The following IL20RA variants were observed in gnomAD, a reference collection of about 807,000 sequenced individuals.
The protein encoded by IL20RA is interleukin-20 receptor subunit alpha.
In IL20RA, 29 loss-of-function variants were observed where a neutral mutation model predicts 36.5. The ratio of observed to expected loss-of-function variants is 0.79; its 90% confidence interval spans 0.59 to 1.08. The LOEUF is 1.08. IL20RA is among the 50% of genes least tolerant of loss of function. IL20RA has a pLI of 0.00. For synonymous variants in IL20RA, 279 were observed against 267.1 expected, an observed-to-expected ratio of 1.04 and a Z score of -0.43; for missense variants, 652 against 668.4, an observed-to-expected ratio of 0.98 and a Z score of 0.27.
chr6:137,037,189 T>A (rs1303268050), intron 1 of IL20RA, among the ~76,000 whole-genome samples: 1 of 152,184 alleles, frequency 6.6e-6, no homozygotes, highest in Non-Finnish European at 1.5e-5. Context: ...CAGGACTAAG[T>A]ATGCCTTTTC....
intron 3 of IL20RA, among the ~76,000 whole-genome samples, chr6:137,010,599 C>T (rs1008563206): frequency 6.6e-6 from 1 of 152,154 alleles, no homozygotes; most frequent in Non-Finnish European, 1.5e-5. Flanking sequence ...CTGAGTGGGT[C>T]CTTCATGACT....
In IL20RA at chr6:137,001,577, T is replaced by C. The variant is rs1246179205; in HGVS notation, c.1643A>G (p.Tyr548Cys). ...TTGGCATCAGTTTTCCATCTGCACA[T>C]ATAACCCCCATTCCTCCATGAATTG... The part of the protein sequence containing the change: ...LMQFMEEWGL[Y>C]VQMEN Residue 548 changes from tyrosine (Y) to cysteine (C), a missense_variant, in exon 7 of 7, where the codon TAT becomes TGT. Coordinates refer to ENST00000316649, the MANE Select transcript of IL20RA (RefSeq NM_014432.4). The C allele has an allele frequency of 6.4e-7, 1 of 1,570,292 alleles. No homozygotes were observed.
chr6:137,021,976 C>A (rs201932147), intron 1 of IL20RA, among the ~76,000 whole-genome samples: 1 of 152,052 alleles, frequency 6.6e-6, no homozygotes, highest in African/African-American at 2.4e-5. Flanking sequence ...TAGTAAGTTG[C>A]CACAAATTCA....
intron 1 of IL20RA, among the ~76,000 whole-genome samples, chr6:137,018,511 T>C (rs1388572694): frequency 4.6e-5 from 5 of 108,234 alleles, no homozygotes; most frequent in African/African-American, 1.1e-4. Flanking sequence ...CACTGCCGTG[T>C]GCGTGTGTGT....
chr6:137,023,927 C>G (rs1775996839), intron 1 of IL20RA, among the ~76,000 whole-genome samples: 1 of 152,040 alleles, frequency 6.6e-6, no homozygotes, highest in Admixed American at 6.6e-5. Context: ...AACACTGTCT[C>G]TACTAAAAAT....
At chr6:137,044,463 C>T (rs1360145996) in intron 1 of IL20RA, among the ~76,000 whole-genome samples, 178 bp downstream of exon 1, 1 of 151,896 alleles carries the variant, frequency 6.6e-6, no homozygotes, top group Non-Finnish European at 1.5e-5. Flanking sequence ...GAGTGTCCCC[C>T]GGGCTCCCTG....
Position 137,001,405 on chromosome 6 carries a change from C to T in IL20RA, c.*153G>A, listed in dbSNP as rs1403300294. The T allele has an allele frequency of 1.8e-5, 12 of 683,982 alleles. No homozygotes were observed. Among genetic ancestry groups the T allele is most frequent in the Middle Eastern group, 4.3e-4 (1 of 2,350 alleles). The allele number at this position is 683,982 out of a possible 1,614,324, so 42.4% of individuals were successfully genotyped here. On this transcript the variant is annotated 3_prime_UTR_variant, in exon 7 of 7. Coordinates refer to ENST00000316649, the MANE Select transcript of IL20RA (RefSeq NM_014432.4). ...CCTACATGCATGAACCAATCACACACGTGCTATGAGAATAGAGAAAAGAAA... is the reference window on the plus strand; with the variant it reads ...CCTACATGCATGAACCAATCACACATGTGCTATGAGAATAGAGAAAAGAAA...
chr6:137,002,199 C>T lies in IL20RA; in HGVS notation c.1021G>A (p.Asp341Asn), dbSNP rs1775093790. Reference protein sequence around the residue: ...GKSSDVSSLNDPQPSGNLRPP... With the variant: ...GKSSDVSSLNNPQPSGNLRPP... ...CTCAGGTTCCCGCTGGGCTGAGGAT[C>T]ATTAAGGCTGGATACATCACTGCTT... Residue 341 changes from aspartate (D) to asparagine (N), a missense_variant, in exon 7 of 7, where the codon GAT (aspartate) becomes AAT (asparagine). Transcript: ENST00000316649. 1 of 1,613,992 alleles carries T rather than the reference C, an allele frequency of 6.2e-7. No individual in the cohort carries two copies. Among genetic ancestry groups the T allele is most frequent in the African/African-American group, 1.3e-5 (1 of 74,898 alleles).
rs1646721584 is a variant in IL20RA at position 137,044,738 on chromosome 6, G to A, written c.-10C>T. ...GGCCGGGAGCCCGCATGGGCGGCGG[G>A]GCTGGGTCACATGTCGGGGGGCAGC... On this transcript the variant is annotated 5_prime_UTR_variant, in exon 1 of 7. Coordinates refer to ENST00000316649, the MANE Select transcript of IL20RA (RefSeq NM_014432.4). 2 of 1,216,072 alleles carry A rather than the reference G, an allele frequency of 1.6e-6. No individual in the cohort carries two copies. Among genetic ancestry groups the A allele is most frequent in the Non-Finnish European group, 1.0e-6 (1 of 978,238 alleles). The allele number at this position is 1,216,072 out of a possible 1,614,324, so 75.3% of individuals were successfully genotyped here.
In IL20RA at chr6:137,000,064, T is replaced by C. The variant is rs998119621; in HGVS notation, c.*1494A>G. The C allele has an allele frequency of 6.6e-6, 1 of 152,234 alleles. No homozygotes were observed. Among genetic ancestry groups the C allele is most frequent in the African/African-American group, 2.4e-5 (1 of 41,462 alleles). The allele number at this position is 152,234 out of a possible 1,614,324, so 9.4% of individuals were successfully genotyped here. On this transcript the variant is annotated 3_prime_UTR_variant, in exon 7 of 7. Transcript: ENST00000316649. ...TTTACAGTTAGTGTAATACATCTGT[T>C]CTTCAAAACCAGCAGAATCGTTTCT...
chr6:137,040,067 G>A (rs764874556), intron 1 of IL20RA, among the ~76,000 whole-genome samples: 8 of 152,108 alleles, frequency 5.3e-5, no homozygotes, highest in East Asian at 3.9e-4. Context: ...GTAAGTACAC[G>A]TTTTTCTCAT....
Position 137,001,230 on chromosome 6 carries a change from C to A in IL20RA, c.*328G>T. On this transcript the variant is annotated 3_prime_UTR_variant, in exon 7 of 7. Transcript: ENST00000316649. Reference sequence around the variant, plus strand: ...CCCAGAAAATAATTGTACAAGTGTGCTTGTTTGAAAATAATGAACCAAGAG... The same window carrying A: ...CCCAGAAAATAATTGTACAAGTGTGATTGTTTGAAAATAATGAACCAAGAG... The A allele has an allele frequency of 4.9e-6, 1 of 203,420 alleles. No individual in the cohort carries two copies. Among genetic ancestry groups the A allele is most frequent in the Non-Finnish European group, 9.8e-6 (1 of 101,772 alleles). The allele number at this position is 203,420 out of a possible 1,614,324, so 12.6% of individuals were successfully genotyped here. A position where few individuals can be genotyped will look rare whatever the true frequency, so the allele number is the denominator to read the frequency against.
chr6:137,030,070 GTTTTTTTT>G (rs1188809232), intron 1 of IL20RA, among the ~76,000 whole-genome samples: 4 of 62,856 alleles, frequency 6.4e-5, no homozygotes, highest in Admixed American at 2.9e-4. Flanking sequence ...CGGTTTGCGG[GTTTTTTTT>G]TTTTTTTTTT....
At position 137,009,311 on chromosome 6, in the gene IL20RA, G is replaced by A; in HGVS notation, c.579+6C>T. The A allele has an allele frequency of 6.2e-7, 1 of 1,609,898 alleles. No homozygotes were observed. The highest frequency in any genetic ancestry group is 1.1e-5 in the South Asian group (1 of 91,016). On this transcript the variant is annotated splice_donor_region_variant and intron_variant, in intron 4 of 6. Transcript: ENST00000316649. ...GAATGTATGCCCCATTCCATTTCAGGCTTACCGTTCTGTTTGATTTAGTAT... is the reference window on the plus strand; with the variant it reads ...GAATGTATGCCCCATTCCATTTCAGACTTACCGTTCTGTTTGATTTAGTAT...
chr6:137,028,854 G>GAA (rs56684668), intron 1 of IL20RA, among the ~76,000 whole-genome samples: 78 of 151,632 alleles, frequency 5.1e-4, no homozygotes, highest in Non-Finnish European at 7.2e-4. Context: ...TTAGAAACAT[G>GAA]AAAAAAAAAT....
chr6:137,021,759 T>C (rs1775914899), intron 1 of IL20RA, among the ~76,000 whole-genome samples: 1 of 152,202 alleles, frequency 6.6e-6, no homozygotes, highest in Admixed American at 6.5e-5. Context: ...AGCCTTTATA[T>C]GTTAAAATGT....
intron 3 of IL20RA, 102 bp from the exon 4 acceptor site, chr6:137,009,594 C>CTTT (rs3041892): frequency 1.3e-5 from 5 of 388,116 alleles, no homozygotes; most frequent in African/African-American, 9.7e-5. Flanking sequence ...AAAAGACATC[C>CTTT]TTTTTTTTTT....
intron 6 of IL20RA, among the ~76,000 whole-genome samples, chr6:137,002,748 T>A (rs562113053): frequency 6.6e-6 from 1 of 152,370 alleles, no homozygotes; most frequent in East Asian, 1.9e-4. Context: ...CACTGTTTTA[T>A]TTATAGTTTG....
intron 1 of IL20RA, among the ~76,000 whole-genome samples, chr6:137,034,040 G>A (rs1483008646): frequency 6.6e-6 from 1 of 152,198 alleles, no homozygotes; most frequent in Non-Finnish European, 1.5e-5. Flanking sequence ...TATGTCAGAA[G>A]CCACAGCATA....
Sources: allele counts gnomAD v4.1 joint callset (sites outside exome capture counted in the v4.1 genomes callset), GRCh38; gene constraint gnomAD v4.1.1; transcripts MANE v1.5; gene names NCBI Gene and HGNC (gene_info 2026-07-23, HGNC 2026-07-21).